The following PCDHA4 variants were observed in gnomAD, a reference collection of about 807,000 sequenced individuals.
The protein encoded by PCDHA4 is protocadherin alpha 4.
Under a neutral mutation model 61.4 loss-of-function variants are expected in PCDHA4, and 49 were observed. The ratio of observed to expected loss-of-function variants is 0.80; its 90% CI spans 0.63 to 1.01. The LOEUF is 1.01. PCDHA4 is among the 50% of genes least tolerant of loss of function. The pLI is 0.00. For missense variants in PCDHA4, 1,254 were observed against 1,235.8 expected, an observed-to-expected ratio of 1.01 and a Z score of -0.22; for synonymous variants, 590 against 550.3, an observed-to-expected ratio of 1.07 and a Z score of -1.01.
intron 1 of PCDHA4, among the ~76,000 whole-genome samples, chr5:140,972,062 A>G (rs1398109338): frequency 6.6e-6 from 1 of 152,246 alleles, no homozygotes; most frequent in Admixed American, 6.5e-5. Flanking sequence ...AGTCGTATAT[A>G]TTAACTGCTT....
chr5:140,995,047 C>G (rs1174630120), intron 3 of PCDHA4, among the ~76,000 whole-genome samples: 2 of 152,158 alleles, frequency 1.3e-5, no homozygotes, highest in Admixed American at 1.3e-4. Context: ...CTTAACTCTA[C>G]TGAATTTTCA....
chr5:140,946,384 G>A (rs2093939169), intron 1 of PCDHA4, among the ~76,000 whole-genome samples: 1 of 151,758 alleles, frequency 6.6e-6, no homozygotes, highest in Non-Finnish European at 1.5e-5. Context: ...CGGTTGGTAG[G>A]AATGTAAATT....
chr5:140,852,117 T>A, intron 1 of PCDHA4: 1 of 906,144 alleles, frequency 1.1e-6, no homozygotes, highest in Non-Finnish European at 1.3e-6. Context: ...AGGTATGACC[T>A]AATTAAAAAC....
At chr5:140,828,326 C>T (rs1554131212) in intron 1 of PCDHA4, 1 of 1,614,206 alleles carries the variant, frequency 6.2e-7, no homozygotes, top group Non-Finnish European at 8.5e-7. Flanking sequence ...GGAGGTAAAT[C>T]TGCAGAATGG....
chr5:140,985,298 C>T (rs770798262), intron 3 of PCDHA4, among the ~76,000 whole-genome samples: 1 of 152,124 alleles, frequency 6.6e-6, no homozygotes, highest in Non-Finnish European at 1.5e-5. Context: ...ATAGTGTTGG[C>T]TGATAGCCTG....
intron 1 of PCDHA4, among the ~76,000 whole-genome samples, chr5:140,911,457 A>G (rs1225259689): frequency 6.6e-6 from 1 of 152,144 alleles, no homozygotes; most frequent in Non-Finnish European, 1.5e-5. Flanking sequence ...CTCTTTCTCT[A>G]CAGGAGATAA....
chr5:140,922,207 T>C (rs1208986922), intron 1 of PCDHA4, among the ~76,000 whole-genome samples: 3 of 152,162 alleles, frequency 2.0e-5, no homozygotes, highest in Non-Finnish European at 2.9e-5. Context: ...AATGAAACTT[T>C]GTAAAACATT....
chr5:140,982,416 A>C, intron 2 of PCDHA4, 59 bp from the exon 3 acceptor site: 1 of 1,610,294 alleles, frequency 6.2e-7, no homozygotes, highest in Non-Finnish European at 8.5e-7. Context: ...TGAGGGTGGA[A>C]GAAGAGATGG....
At chr5:140,928,666 T>C in intron 1 of PCDHA4, 8 of 1,614,212 alleles carry the variant, frequency 5.0e-6, no homozygotes, top group Non-Finnish European at 6.8e-6. Context: ...TGACAGTGGT[T>C]CTAATGCCTG....
At chr5:140,944,304 C>T (rs1383475197) in intron 1 of PCDHA4, among the ~76,000 whole-genome samples, 1 of 152,162 alleles carries the variant, frequency 6.6e-6, no homozygotes, top group Non-Finnish European at 1.5e-5. Context: ...CCTCCTACCT[C>T]AGCCTCCTGA....
intron 3 of PCDHA4, among the ~76,000 whole-genome samples, chr5:140,987,901 T>C (rs1554249667): frequency 6.6e-6 from 1 of 152,180 alleles, no homozygotes. Context: ...TAGTTTTATA[T>C]GGGGATTTAT....
At chr5:140,857,283 T>C in intron 1 of PCDHA4, 1 of 1,598,740 alleles carries the variant, frequency 6.3e-7, no homozygotes, top group Non-Finnish European at 8.6e-7. Context: ...GACAGCGCTC[T>C]GGACCGCGAG....
chr5:140,875,002 T>C (rs1441765842), intron 1 of PCDHA4, among the ~76,000 whole-genome samples: 2 of 152,238 alleles, frequency 1.3e-5, no homozygotes, highest in African/African-American at 4.8e-5. Context: ...TCATTTTCCA[T>C]GATAAAGTGT....
intron 1 of PCDHA4, chr5:140,869,583 T>G: frequency 6.2e-7 from 1 of 1,614,152 alleles, no homozygotes; most frequent in Non-Finnish European, 8.5e-7. Flanking sequence ...CTTCTGATGC[T>G]GACATTGAAG....
At chr5:140,947,755 G>T (rs1415482913) in intron 1 of PCDHA4, among the ~76,000 whole-genome samples, 1 of 151,450 alleles carries the variant, frequency 6.6e-6, no homozygotes, top group Non-Finnish European at 1.5e-5. Flanking sequence ...GTATTTTATG[G>T]TTTAAAAAAT....
chr5:140,841,305 G>A (rs2150313122), intron 1 of PCDHA4: 2 of 1,543,548 alleles, frequency 1.3e-6, no homozygotes, highest in Non-Finnish European at 1.8e-6. Context: ...TTTTCTGATA[G>A]GAAACGACTA....
At chr5:140,926,979 G>A (rs782354889) in intron 1 of PCDHA4, 1 of 1,610,590 alleles carries the variant, frequency 6.2e-7, no homozygotes. Flanking sequence ...TGCCGGAGGA[G>A]ACGGAGCGGG....
intron 1 of PCDHA4, chr5:140,829,408 C>T: frequency 1.2e-6 from 2 of 1,614,134 alleles, no homozygotes; most frequent in Non-Finnish European, 1.7e-6. Context: ...GGGCCACCGC[C>T]AGCTTGTCTG....
At chr5:140,981,338 G>A (rs1563488090) in intron 2 of PCDHA4, among the ~76,000 whole-genome samples, 1 of 152,100 alleles carries the variant, frequency 6.6e-6, no homozygotes, top group Non-Finnish European at 1.5e-5. Context: ...CTTTGGGAGG[G>A]TGAGGCAGGT....
Sources: allele counts gnomAD v4.1 joint callset (sites outside exome capture counted in the v4.1 genomes callset), GRCh38; gene constraint gnomAD v4.1.1; transcripts MANE v1.5; gene names NCBI Gene and HGNC (gene_info 2026-07-23, HGNC 2026-07-21).